DGKB: variants seen among roughly 807,000 people sequenced by gnomAD.
DGKB encodes 90 kDa diacylglycerol kinase.
In DGKB, 67 loss-of-function variants were observed where a neutral mutation model predicts 114.3. That is an observed-to-expected ratio of 0.59 (90% CI 0.48 to 0.72). The LOEUF (loss-of-function observed/expected upper bound fraction) is 0.72, where lower values mean the gene tolerates loss of function less well. DGKB is among the 30% of genes least tolerant of loss of function. The pLI is 0.00. For synonymous variants in DGKB, 398 were observed against 323.1 expected (o/e 1.23, Z -2.49); for missense variants, 907 against 975.2 (o/e 0.93, Z 0.93).
At chr7:14,398,502 CA>C (rs1224503263) in intron 21 of DGKB, among the ~76,000 whole-genome samples, 2 of 151,840 alleles carry the variant, frequency 1.3e-5, no homozygotes, top group African/African-American at 4.8e-5. Flanking sequence ...AATAGCGAGG[CA>C]AAGCTATAAA....
intron 21 of DGKB, among the ~76,000 whole-genome samples, chr7:14,382,160 G>A (rs1332494966): frequency 6.6e-6 from 1 of 152,166 alleles, no homozygotes; most frequent in African/African-American, 2.4e-5. Context: ...AAGAAGGATC[G>A]AGTAGCTGCA....
intron 1 of DGKB, among the ~76,000 whole-genome samples, chr7:14,973,953 A>G (rs1787646665): frequency 6.7e-6 from 1 of 150,174 alleles, no homozygotes; most frequent in Admixed American, 6.6e-5. Flanking sequence ...ATTAAAACAT[A>G]CTATTTAAAA....
chr7:14,408,915 G>A (rs185465526), intron 21 of DGKB, among the ~76,000 whole-genome samples: 4 of 152,060 alleles, frequency 2.6e-5, no homozygotes, highest in East Asian at 1.9e-4. Flanking sequence ...TGTCATGAGC[G>A]CATAAAAGAT....
intron 5 of DGKB, among the ~76,000 whole-genome samples, chr7:14,723,181 C>G (rs1829486605): frequency 6.6e-6 from 1 of 152,082 alleles, no homozygotes; most frequent in South Asian, 2.1e-4. Flanking sequence ...ACATGTACGG[C>G]AACCAAAAAG....
chr7:14,956,850 T>A (rs1198906638), intron 1 of DGKB, among the ~76,000 whole-genome samples: 1 of 148,890 alleles, frequency 6.7e-6, no homozygotes, highest in Non-Finnish European at 1.5e-5. Context: ...GAAAAGTCGT[T>A]TCAATTTTTT....
At chr7:14,864,886 G>A (rs1210255551) in intron 1 of DGKB, among the ~76,000 whole-genome samples, 1 of 151,952 alleles carries the variant, frequency 6.6e-6, no homozygotes, top group African/African-American at 2.4e-5. Context: ...ACAAGTGGGA[G>A]AATTTCATGG....
At chr7:14,733,627 G>T (rs774822908) in intron 5 of DGKB, among the ~76,000 whole-genome samples, 3 of 152,064 alleles carry the variant, frequency 2.0e-5, no homozygotes, top group Non-Finnish European at 4.4e-5. Flanking sequence ...GGCAGAGGTT[G>T]CAGTGAGCCA....
intron 21 of DGKB, among the ~76,000 whole-genome samples, chr7:14,393,790 C>T (rs1040493218): frequency 4.4e-4 from 67 of 152,114 alleles, no homozygotes; most frequent in Non-Finnish European, 2.4e-4. Flanking sequence ...TGTTCTAAAT[C>T]TGAACGAGAA....
At chr7:14,173,800 T>G (rs970300926) in intron 25 of DGKB, among the ~76,000 whole-genome samples, 1 of 152,114 alleles carries the variant, frequency 6.6e-6, no homozygotes, top group South Asian at 2.1e-4. Flanking sequence ...AAAATCACAA[T>G]AATGAGCCAT....
intron 21 of DGKB, among the ~76,000 whole-genome samples, chr7:14,366,479 T>C (rs1184874564): frequency 1.3e-5 from 2 of 152,166 alleles, no homozygotes. Flanking sequence ...ATCCTGAATG[T>C]GTTGGCATTT....
chr7:14,558,522 C>G (rs950765981), intron 20 of DGKB, among the ~76,000 whole-genome samples: 1 of 151,974 alleles, frequency 6.6e-6, no homozygotes, highest in Non-Finnish European at 1.5e-5. Flanking sequence ...GATCAATTTG[C>G]CTTTAAGATT....
At chr7:14,904,911 G>C (rs148546637), upstream of DGKB, among the ~76,000 whole-genome samples, 1 of 152,094 alleles carries the variant, frequency 6.6e-6, no homozygotes, top group African/African-American at 2.4e-5. Context: ...GATACAAAAG[G>C]CCAACTTTAT....
intron 21 of DGKB, among the ~76,000 whole-genome samples, chr7:14,354,129 A>C (rs1362774237): frequency 6.6e-6 from 1 of 152,166 alleles, no homozygotes; most frequent in Non-Finnish European, 1.5e-5. Flanking sequence ...ATATACCCTG[A>C]TGTCTGAGAT....
At chr7:14,173,321 T>A (rs983509682) in intron 25 of DGKB, among the ~76,000 whole-genome samples, 1 of 152,210 alleles carries the variant, frequency 6.6e-6, no homozygotes, top group African/African-American at 2.4e-5. Flanking sequence ...TATTAGTGAC[T>A]TTTTTATTGT....
At chr7:14,819,428 A>C (rs1844601154) in intron 2 of DGKB, among the ~76,000 whole-genome samples, 1 of 152,096 alleles carries the variant, frequency 6.6e-6, no homozygotes, top group African/African-American at 2.4e-5. Context: ...TTTACAAAAA[A>C]TACAAAAAAA....
intron 1 of DGKB, among the ~76,000 whole-genome samples, chr7:14,935,808 T>C (rs1413860664): frequency 6.6e-6 from 1 of 152,050 alleles, no homozygotes; most frequent in Non-Finnish European, 1.5e-5. Flanking sequence ...CTCATGGAAC[T>C]AATATTTTGT....
At chr7:14,698,951 A>T (rs944206549) in intron 7 of DGKB, among the ~76,000 whole-genome samples, 11 of 152,126 alleles carry the variant, frequency 7.2e-5, no homozygotes, top group African/African-American at 2.7e-4. Flanking sequence ...AAATGTAAGA[A>T]GTATAAAAGA....
chr7:14,899,234 G>T (rs1782595229), intron 1 of DGKB, among the ~76,000 whole-genome samples: 1 of 152,090 alleles, frequency 6.6e-6, no homozygotes, highest in Admixed American at 6.6e-5. Flanking sequence ...GATTGTGCAA[G>T]AATCAGCGAT....
At chr7:14,877,488 G>A (rs1435344809) in intron 1 of DGKB, among the ~76,000 whole-genome samples, 1 of 152,218 alleles carries the variant, frequency 6.6e-6, no homozygotes, top group Admixed American at 6.5e-5. Context: ...CCAGGAGGCA[G>A]AGGTTGCAGT....
Sources: gnomAD v4.1 joint callset for allele counts (sites outside exome capture counted in the v4.1 genomes callset) on GRCh38, gnomAD v4.1.1 for gene constraint, MANE v1.5 for transcripts, NCBI Gene and HGNC (gene_info 2026-07-23, HGNC 2026-07-21) for gene names.